NRG3: variants seen among roughly 807,000 people sequenced by gnomAD.
NRG3 encodes the protein neuregulin 3.
A neutral mutation model predicts 66.9 loss-of-function variants in NRG3; 31 were observed. That is an observed-to-expected ratio of 0.46 (90% confidence interval 0.35 to 0.63). The LOEUF is 0.63. Ranked by LOEUF, NRG3 falls within the 20% of genes least tolerant of loss-of-function variation. The probability of loss-of-function intolerance (pLI) is 0.00; values close to 1 mark genes in which losing one functional copy is unlikely to be tolerated. For missense variants in NRG3, 910 were observed against 878.9 expected, an observed-to-expected ratio of 1.04 and a Z score of -0.45; for synonymous variants, 393 against 359.4, an observed-to-expected ratio of 1.09 and a Z score of -1.06.
intron 1 of NRG3, among the ~76,000 whole-genome samples, chr10:82,034,206 A>G (rs2062691650): frequency 6.6e-6 from 1 of 152,132 alleles, no homozygotes; most frequent in Non-Finnish European, 1.5e-5. Context: ...ATTACTTAGC[A>G]TTAAGTCTAT....
chr10:82,012,708 A>G (rs550871273), intron 1 of NRG3, among the ~76,000 whole-genome samples: 39 of 152,266 alleles, frequency 2.6e-4, no homozygotes, highest in African/African-American at 8.9e-4. Context: ...ACCCTAAATT[A>G]TATCTTTCAA....
chr10:82,378,836 G>T (rs1168918877), intron 2 of NRG3, among the ~76,000 whole-genome samples: 1 of 152,088 alleles, frequency 6.6e-6, no homozygotes, highest in African/African-American at 2.4e-5. Context: ...CTCCCAAAGT[G>T]CTGGGATTAC....
intron 2 of NRG3, among the ~76,000 whole-genome samples, chr10:82,635,348 C>T (rs543516795): frequency 6.6e-6 from 1 of 152,224 alleles, no homozygotes; most frequent in East Asian, 1.9e-4. Context: ...CTCCAAAGAC[C>T]CCAAATTCAA....
In NRG3 at chr10:81,954,894, G is replaced by C. The variant is rs187781006; in HGVS notation, c.823+78731G>C. Among the ~76,000 whole-genome samples the C allele has an allele frequency of 3.9e-3, 599 of 152,006 alleles. 5 individuals are homozygous for C. Among genetic ancestry groups the C allele is most frequent in the Middle Eastern group, 6.8e-3 (2 of 294 alleles). On this transcript the variant is annotated intron_variant, in intron 1 of 8. Transcript: ENST00000372141. ...GTTTTAAGGGCCTCACTTTCACCTA[G>C]GATTTTGCATAGCATTGACTGTCTT...
At chr10:82,077,207 G>A (rs1179068053) in intron 1 of NRG3, among the ~76,000 whole-genome samples, 1 of 152,142 alleles carries the variant, frequency 6.6e-6, no homozygotes, top group African/African-American at 2.4e-5. Context: ...TTTATTTGCT[G>A]TATAGAAAAT....
chr10:82,575,131 A>T (rs577182978), intron 2 of NRG3, among the ~76,000 whole-genome samples: 14 of 151,914 alleles, frequency 9.2e-5, no homozygotes, highest in Admixed American at 9.2e-4. Context: ...AGCTCCACTT[A>T]GCATTCCACA....
intron 1 of NRG3, among the ~76,000 whole-genome samples, chr10:82,081,499 A>G (rs1393694552): frequency 1.3e-5 from 2 of 152,184 alleles, no homozygotes; most frequent in African/African-American, 4.8e-5. Context: ...ACATGTAGCA[A>G]ATGCCAGAAT....
intron 3 of NRG3, among the ~76,000 whole-genome samples, chr10:82,748,752 T>G (rs1260709642): frequency 6.6e-6 from 1 of 150,786 alleles, no homozygotes; most frequent in Admixed American, 6.6e-5. Flanking sequence ...TTAAATCAAT[T>G]CCCACTTTAA....
intron 3 of NRG3, among the ~76,000 whole-genome samples, chr10:82,830,238 T>G (rs1027046048): frequency 6.6e-6 from 1 of 152,202 alleles, no homozygotes; most frequent in Non-Finnish European, 1.5e-5. Flanking sequence ...TATCTTGCAT[T>G]TCTTTGTTTA....
intron 2 of NRG3, among the ~76,000 whole-genome samples, chr10:82,466,927 A>C (rs978377121): frequency 5.3e-5 from 8 of 152,056 alleles, no homozygotes; most frequent in Non-Finnish European, 4.4e-5. Flanking sequence ...AAAAAAAAAA[A>C]ACAAAACATA....
In NRG3 at chr10:82,973,924, A is replaced by G. The variant is rs1852004090; in HGVS notation, c.1412+9A>G. The G allele has an allele frequency of 1.9e-6, 3 of 1,613,826 alleles. No individual in the cohort carries two copies. The highest frequency in any genetic ancestry group is 2.5e-6 in the Non-Finnish European group (3 of 1,179,872). On this transcript the variant is annotated intron_variant, in intron 7 of 8. Transcript: ENST00000372141. ...TCTGTCAAACACCACAGGTACAAGT[A>G]GCTCATCATGGTGGGTGTGGGCACC...
intron 1 of NRG3, among the ~76,000 whole-genome samples, chr10:82,011,120 C>G (rs1167179518): frequency 6.6e-6 from 1 of 152,100 alleles, no homozygotes; most frequent in East Asian, 1.9e-4. Flanking sequence ...ATACCTGAGA[C>G]TGGGTTATTT....
At chr10:82,648,950 A>G in intron 2 of NRG3, among the ~76,000 whole-genome samples, 1 of 152,142 alleles carries the variant, frequency 6.6e-6, no homozygotes, top group Non-Finnish European at 1.5e-5. Context: ...CTCTCAATAA[A>G]TTAGGTATTG....
At chr10:81,877,690 G>T in intron 1 of NRG3, 1 of 1,305,324 alleles carries the variant, frequency 7.7e-7, no homozygotes, top group Non-Finnish European at 9.7e-7. Flanking sequence ...TGGGAGACAG[G>T]AAGGAGGGAA....
intron 3 of NRG3, among the ~76,000 whole-genome samples, chr10:82,835,324 C>T (rs2062720624): frequency 6.6e-6 from 1 of 152,154 alleles, no homozygotes. Flanking sequence ...TGAACAGAAT[C>T]AGCACACTCC....
intron 2 of NRG3, among the ~76,000 whole-genome samples, chr10:82,442,784 ATTTTTT>A (rs61261285): frequency 8.1e-4 from 44 of 54,272 alleles, no homozygotes; most frequent in African/African-American, 3.2e-3. Context: ...TTCTGTGTGG[ATTTTTT>A]TTTTTTTTTT....
At chr10:82,268,188 A>G (rs2078403883) in intron 1 of NRG3, among the ~76,000 whole-genome samples, 1 of 152,140 alleles carries the variant, frequency 6.6e-6, no homozygotes, top group Non-Finnish European at 1.5e-5. Flanking sequence ...GAATCTCTGT[A>G]GTAGTGCCTA....
At chr10:82,316,330 T>C (rs76880311) in intron 1 of NRG3, among the ~76,000 whole-genome samples, 4,028 of 152,206 alleles carry the variant, frequency 0.026, 78 homozygotes, top group Middle Eastern at 0.068. Context: ...GCATTAACAA[T>C]CATAAATTAA....
At chr10:82,778,776 C>T (rs1262365679) in intron 3 of NRG3, among the ~76,000 whole-genome samples, 1 of 152,052 alleles carries the variant, frequency 6.6e-6, no homozygotes, top group Non-Finnish European at 1.5e-5. Context: ...TTACACTGCT[C>T]TGTGGGGTCA....
Sources: allele counts gnomAD v4.1 joint callset (sites outside exome capture counted in the v4.1 genomes callset), GRCh38; gene constraint gnomAD v4.1.1; transcripts MANE v1.5; gene names NCBI Gene and HGNC (gene_info 2026-07-23, HGNC 2026-07-21).